The following SPIRE2 variants were observed in gnomAD, a reference collection of about 807,000 sequenced individuals.
SPIRE2 encodes protein spire homolog 2.
Under a neutral mutation model 80.7 loss-of-function variants are expected in SPIRE2, and 76 were observed. That is an observed-to-expected ratio of 0.94 (90% CI 0.78 to 1.14). SPIRE2 has a LOEUF of 1.14. Ranked by LOEUF, SPIRE2 falls within the 50% of genes most tolerant of loss-of-function variation. The pLI, the probability that SPIRE2 is intolerant of heterozygous loss-of-function variation, is 0.00. For synonymous variants in SPIRE2, 535 were observed against 432.6 expected, an observed-to-expected ratio of 1.24 and a Z score of -2.94; for missense variants, 1,196 against 1,015.3, an observed-to-expected ratio of 1.18 and a Z score of -2.42.
chr16:89,844,051 A>G (rs1019479254), intron 1 of SPIRE2, among the ~76,000 whole-genome samples: 2 of 149,092 alleles, frequency 1.3e-5, no homozygotes, highest in Admixed American at 1.3e-4. Flanking sequence ...GCTGGTGTGC[A>G]CTGGTGCAAT....
intron 7 of SPIRE2, among the ~76,000 whole-genome samples, chr16:89,856,583 T>A (rs910857663): frequency 3.3e-5 from 5 of 150,732 alleles, no homozygotes; most frequent in Admixed American, 3.3e-4. Context: ...CAGCTGGGAT[T>A]ACAGGCACGT....
At chr16:89,843,408 G>C (rs962567123) in intron 1 of SPIRE2, among the ~76,000 whole-genome samples, 3 of 152,028 alleles carry the variant, frequency 2.0e-5, no homozygotes, top group Non-Finnish European at 4.4e-5. Flanking sequence ...GCTTCCACCT[G>C]CATTTCCACT....
chr16:89,849,795 T>A, intron 2 of SPIRE2: 1 of 265,662 alleles, frequency 3.8e-6, no homozygotes, highest in Non-Finnish European at 7.4e-6. Context: ...AGTTAAGAGG[T>A]CGCTACTGTG....
chr16:89,868,104 T>C, intron 12 of SPIRE2, 85 bp from the exon 13 acceptor site: 1 of 1,453,012 alleles, frequency 6.9e-7, no homozygotes, highest in Non-Finnish European at 9.7e-7. Context: ...TGACCTCGGA[T>C]GCGTGGAGGC....
chr16:89,870,407 T>C lies in SPIRE2; in HGVS notation c.*135T>C. 1.6e-6 allele frequency: 1 copy of C among 607,122 alleles called. No individual in the cohort carries two copies. The allele number at this position is 607,122 out of a possible 1,614,324, so 37.6% of individuals were successfully genotyped here. On this transcript the variant is annotated 3_prime_UTR_variant, in exon 15 of 15. Coordinates refer to ENST00000378247, the MANE Select transcript of SPIRE2 (RefSeq NM_032451.2). Reference sequence around the variant, plus strand: ...TATACACACAGTCTATATATTTATATACACTGTTTCCTGGCCCCAGAGCTC... The same window carrying C: ...TATACACACAGTCTATATATTTATACACACTGTTTCCTGGCCCCAGAGCTC...
At chr16:89,845,236 TC>T in intron 1 of SPIRE2, 85 bp from the exon 2 acceptor site, 1 of 1,209,244 alleles carries the variant, frequency 8.3e-7, no homozygotes, top group Non-Finnish European at 1.2e-6. Context: ...GTGGTGTGTG[TC>T]CCCGAGGGGG....
intron 7 of SPIRE2, among the ~76,000 whole-genome samples, chr16:89,856,858 C>G (rs549874901): frequency 6.6e-6 from 1 of 151,714 alleles, no homozygotes; most frequent in African/African-American, 2.4e-5. Context: ...CCCAGGAGAT[C>G]GAGACCAGCC....
chr16:89,854,422 C>T (rs550558007), intron 4 of SPIRE2, 56 bp downstream of exon 4: 6 of 1,611,026 alleles, frequency 3.7e-6, no homozygotes, highest in South Asian at 3.3e-5. Flanking sequence ...TGCCAAGGGT[C>T]TCTGCCTGGG....
In SPIRE2 at chr16:89,828,817, C is replaced by T. The variant is rs2041351493; in HGVS notation, c.244+23C>T. Reference sequence around the variant, plus strand: ...CGGGTGAGGCCGGGGGCGGGGCAGCCGGCGGGGACCGCGGTCTGGGGCGTC... The same window carrying T: ...CGGGTGAGGCCGGGGGCGGGGCAGCTGGCGGGGACCGCGGTCTGGGGCGTC... On this transcript the variant is annotated intron_variant, in intron 1 of 14. Transcript: ENST00000378247. The surrounding 1 kb of genome is among the most constrained non-coding windows in gnomAD (Gnocchi z 5.9). 3.4e-6 allele frequency: 4 copies of T among 1,174,196 alleles called. No homozygotes were observed. In the South Asian group the frequency reaches 1.3e-4, roughly 37 times the overall value. The allele number at this position is 1,174,196 out of a possible 1,614,324, so 72.7% of individuals were successfully genotyped here.
In SPIRE2 at chr16:89,850,601, C is replaced by A; in HGVS notation, c.586C>A (p.Leu196Ile). ...QAHYQAVCRALFVETLELRAF... is the reference protein window; with the variant it reads ...QAHYQAVCRAIFVETLELRAF... ...GCATTACCAGGCCGTGTGCCGCGCG[C>A]TCTTCGTGGAGACGCTGGAGCTGCG... Residue 196 changes from leucine (L) to isoleucine (I), a missense_variant, in exon 3 of 15, where the codon CTC (leucine) becomes ATC (isoleucine). Coordinates refer to ENST00000378247, the MANE Select transcript of SPIRE2 (RefSeq NM_032451.2). 1.3e-6 allele frequency: 2 copies of A among 1,519,512 alleles called. No individual in the cohort carries two copies. The highest frequency in any genetic ancestry group is 1.8e-6 in the Non-Finnish European group (2 of 1,139,578). 94.1% of individuals were successfully genotyped at this position (1,519,512 alleles called of 1,614,324 possible).
chr16:89,865,696 G>A (rs556890261), intron 12 of SPIRE2, among the ~76,000 whole-genome samples: 7 of 152,266 alleles, frequency 4.6e-5, no homozygotes, highest in South Asian at 2.1e-4. Flanking sequence ...TGGGCCGGGC[G>A]CGGTGGCTCA....
At chr16:89,830,468 T>C (rs1033262248) in intron 1 of SPIRE2, among the ~76,000 whole-genome samples, 1 of 151,390 alleles carries the variant, frequency 6.6e-6, no homozygotes, top group African/African-American at 2.4e-5. Flanking sequence ...TGTGCCATCC[T>C]TGTGGTGCTT....
Position 89,858,428 on chromosome 16 carries a change from G to A in SPIRE2, c.1193G>A (p.Gly398Asp), listed in dbSNP as rs1567676782. Residue 398 changes from glycine to aspartate, a missense_variant, in exon 8 of 15, where the codon GGC becomes GAC. Physicochemically the swap from Gly to Asp is moderately conservative, Grantham distance 94. Transcript: ENST00000378247. ...CINLSVTDAG[G>D]SAQRPRPRVL... ...AACCTGTCAGTCACAGATGCTGGGG[G>A]CAGCGCCCAGCGCCCGCGGCCCCGC... The A allele has an allele frequency of 1.9e-6, 3 of 1,611,778 alleles. No homozygotes were observed. The highest frequency in any genetic ancestry group is 2.5e-6 in the Non-Finnish European group (3 of 1,179,530).
intron 10 of SPIRE2, 30 bp downstream of exon 10, chr16:89,860,825 C>T (rs373230776): frequency 5.7e-6 from 8 of 1,392,914 alleles, no homozygotes; most frequent in East Asian, 2.9e-5. Flanking sequence ...TCGTCCAGGG[C>T]GGCCCAGGGG....
rs557331605 is a variant in SPIRE2 at position 89,830,000 on chromosome 16, G to A, written c.244+1206G>A. On this transcript the variant is annotated intron_variant, in intron 1 of 14. Transcript: ENST00000378247. ...GACTTCACCCCATTCCTGGAGATAAGTGCAGAGCAGGAGGAGGCTGTAGGC... is the reference window on the plus strand; with the variant it reads ...GACTTCACCCCATTCCTGGAGATAAATGCAGAGCAGGAGGAGGCTGTAGGC... 5.9e-5 allele frequency among the ~76,000 whole-genome samples: 9 copies of A among 151,400 alleles called. No individual in the cohort carries two copies. The South Asian group carries it at 1.7e-3, about 28-fold the overall frequency.
Position 89,828,932 on chromosome 16 carries a change from T to C in SPIRE2, c.244+138T>C, listed in dbSNP as rs1400503511. The C allele has an allele frequency of 3.6e-6, 2 of 561,300 alleles. No individual in the cohort carries two copies. Among genetic ancestry groups the C allele is most frequent in the Non-Finnish European group, 5.0e-6 (2 of 401,294 alleles). 34.8% of individuals were successfully genotyped at this position (561,300 alleles called of 1,614,324 possible). ...TCCCCTTCTCTGCGGGACCCGGAGC[T>C]CCCTCCCTCCCACTCTCCGTCCCTC... On this transcript the variant is annotated intron_variant, in intron 1 of 14. Coordinates refer to ENST00000378247, the MANE Select transcript of SPIRE2 (RefSeq NM_032451.2). The surrounding 1 kb of genome is among the most constrained non-coding windows in gnomAD (Gnocchi z 5.9).
intron 12 of SPIRE2, among the ~76,000 whole-genome samples, chr16:89,866,265 T>C (rs2041788114): frequency 6.6e-6 from 1 of 152,084 alleles, no homozygotes; most frequent in South Asian, 2.1e-4. Context: ...GAGCATGTGG[T>C]GTCTACATTT....
At position 89,871,235 on chromosome 16, in the gene SPIRE2, C is replaced by CT. The variant is rs1423387242; in HGVS notation, c.*964dup. ...CCTGGCCCAGAGGCTCCTGAAGATG[C>CT]TGGGCGGTCCTGGCACAGGGAGGAG... is the stretch of plus-strand genomic sequence containing the variant. On this transcript the variant is annotated 3_prime_UTR_variant, in exon 15 of 15. Coordinates refer to ENST00000378247, the MANE Select transcript of SPIRE2 (RefSeq NM_032451.2). The CT allele has an allele frequency of 6.6e-6, 1 of 152,406 alleles. No individual in the cohort carries two copies. The highest frequency in any genetic ancestry group is 1.5e-5 in the Non-Finnish European group (1 of 68,208). 9.4% of individuals were successfully genotyped at this position (152,406 alleles called of 1,614,324 possible).
At chr16:89,845,245 G>C (rs1295779806) in intron 1 of SPIRE2, 77 bp from the exon 2 acceptor site, 1 of 1,302,614 alleles carries the variant, frequency 7.7e-7, no homozygotes, top group Non-Finnish European at 1.1e-6. Context: ...GTCCCCGAGG[G>C]GGAGGTGGGG....
Sources: gnomAD v4.1 joint callset for allele counts (sites outside exome capture counted in the v4.1 genomes callset) on GRCh38, gnomAD v4.1.1 for gene constraint, Gnocchi (gnomAD v3.1) non-coding constraint, MANE v1.5 for transcripts, NCBI Gene and HGNC (gene_info 2026-07-23, HGNC 2026-07-21) for gene names.